IL1RAPL1: variants seen among roughly 807,000 people sequenced by gnomAD.
IL1RAPL1 encodes the protein interleukin-1 receptor accessory protein-like 1.
In IL1RAPL1, 3 loss-of-function variants were observed where a neutral mutation model predicts 48.4. The ratio of observed to expected loss-of-function variants is 0.06; its 90% confidence interval spans 0.03 to 0.16. The LOEUF (loss-of-function observed/expected upper bound fraction) is 0.16, where lower values mean the gene tolerates loss of function less well. IL1RAPL1 is among the 10% of genes least tolerant of loss of function. IL1RAPL1 has a pLI of 1.00. For missense variants in IL1RAPL1, 349 were observed against 530.6 expected, an observed-to-expected ratio of 0.66 and a Z score of 3.36; for synonymous variants, 185 against 187.7, an observed-to-expected ratio of 0.99 and a Z score of 0.12.
intron 6 of IL1RAPL1, among the ~76,000 whole-genome samples, chrX:29,840,240 G>A (rs746062663): frequency 2.7e-5 from 3 of 111,567 alleles, no homozygotes; most frequent in Non-Finnish European, 5.6e-5. Context: ...TGATATTAAC[G>A]GACGGATGTT....
intron 6 of IL1RAPL1, among the ~76,000 whole-genome samples, chrX:29,833,307 A>T (rs1030311532): frequency 8.9e-6 from 1 of 111,767 alleles, no homozygotes; most frequent in Admixed American, 9.5e-5. Context: ...ACCTTGCTGC[A>T]TTCAAGTGGC....
At chrX:29,579,797 C>T (rs1922899714) in intron 5 of IL1RAPL1, among the ~76,000 whole-genome samples, 1 of 111,604 alleles carries the variant, frequency 9.0e-6, no homozygotes, top group African/African-American at 3.3e-5. Flanking sequence ...GTGCTCAGAC[C>T]AAGATTTGTG....
chrX:29,309,095 A>G (rs1932668430), intron 3 of IL1RAPL1, among the ~76,000 whole-genome samples: 1 of 112,610 alleles, frequency 8.9e-6, no homozygotes, highest in Admixed American at 9.4e-5. Context: ...TAACTTTGCA[A>G]TCTTATTCTA....
chrX:28,847,655 T>G (rs1185878033), intron 2 of IL1RAPL1, among the ~76,000 whole-genome samples: 1 of 110,997 alleles, frequency 9.0e-6, no homozygotes, highest in Non-Finnish European at 1.9e-5. Context: ...TTGCACTTGC[T>G]GTTCCTTTTG....
chrX:29,713,475 G>A (rs190120876), intron 6 of IL1RAPL1, among the ~76,000 whole-genome samples: 36 of 111,883 alleles, frequency 3.2e-4, no homozygotes, highest in African/African-American at 1.0e-3. Context: ...GAAACAAAGT[G>A]AAAGAGAGCT....
intron 5 of IL1RAPL1, among the ~76,000 whole-genome samples, chrX:29,421,166 C>G (rs1178014105): frequency 8.9e-6 from 1 of 111,836 alleles, no homozygotes; most frequent in Non-Finnish European, 1.9e-5. Context: ...AGCTAGAAAC[C>G]AGGTTCTTGT....
chrX:29,091,001 C>G (rs1285904383), intron 2 of IL1RAPL1, among the ~76,000 whole-genome samples: 1 of 112,076 alleles, frequency 8.9e-6, no homozygotes, highest in Non-Finnish European at 1.9e-5. Context: ...CTGTATGATG[C>G]AACAATGCCA....
intron 2 of IL1RAPL1, among the ~76,000 whole-genome samples, chrX:29,262,406 G>A (rs1442518495): frequency 1.8e-5 from 2 of 111,483 alleles, no homozygotes; most frequent in Admixed American, 1.9e-4. Flanking sequence ...GACTCACCAT[G>A]GTGACCCAGC....
intron 3 of IL1RAPL1, among the ~76,000 whole-genome samples, chrX:29,315,029 C>A (rs887153325): frequency 9.0e-6 from 1 of 111,462 alleles, no homozygotes; most frequent in African/African-American, 3.3e-5. Flanking sequence ...AAAAACCTGT[C>A]CTAGTGAAAC....
At chrX:29,941,849 CTTTGT>C (rs1031930462) in intron 9 of IL1RAPL1, 55 bp downstream of exon 9, 58 of 1,124,863 alleles carry the variant, frequency 5.2e-5, no homozygotes, top group Non-Finnish European at 6.6e-5. Flanking sequence ...TCTTTCTTGT[CTTTGT>C]TTTATTAAGG....
chrX:29,837,446 T>C (rs1317852081), intron 6 of IL1RAPL1, among the ~76,000 whole-genome samples: 2 of 108,827 alleles, frequency 1.8e-5, no homozygotes, highest in Admixed American at 2.0e-4. Context: ...ACAACAGCTT[T>C]ATTTGTTAGA....
chrX:29,955,302 G>T lies in IL1RAPL1; in HGVS notation c.1573G>T (p.Glu525Ter). Residue 525 changes from glutamate to a stop codon, truncating the protein, a stop_gained, in exon 11 of 11, where the codon GAG (glutamate) becomes TAG (stop). Transcript: ENST00000378993. LOFTEE classifies it high-confidence loss of function. ...AGGAATTATGAACTACCAGGAGGTG[G>T]AGGCCCTGAAGCACACCATCAAGCT... ...LRGIMNYQEV[E>*]ALKHTIKLLT... is the part of the protein sequence containing the mutation. 8.3e-7 allele frequency: 1 copy of T among 1,211,577 alleles called. No homozygotes were observed.
At chrX:29,774,936 G>A (rs763052099) in intron 6 of IL1RAPL1, among the ~76,000 whole-genome samples, 12 of 112,420 alleles carry the variant, frequency 1.1e-4, no homozygotes, top group African/African-American at 3.9e-4. Flanking sequence ...TACTACACAT[G>A]AAGTACTGTG....
intron 1 of IL1RAPL1, among the ~76,000 whole-genome samples, chrX:28,653,574 T>G (rs1951594979): frequency 8.9e-6 from 1 of 111,874 alleles, no homozygotes; most frequent in Admixed American, 9.5e-5. Flanking sequence ...GATATATGTA[T>G]GTATGTATAT....
intron 2 of IL1RAPL1, among the ~76,000 whole-genome samples, chrX:29,014,498 G>A (rs749444894): frequency 1.8e-5 from 2 of 111,427 alleles, no homozygotes; most frequent in Admixed American, 1.9e-4. Context: ...GTTTGTGAAA[G>A]CATTATCCAA....
chrX:29,365,804 C>G (rs1220899181), intron 3 of IL1RAPL1, among the ~76,000 whole-genome samples: 1 of 110,466 alleles, frequency 9.1e-6, no homozygotes, highest in Non-Finnish European at 1.9e-5. Context: ...TTTGGGAGGC[C>G]GAGGCGGGTG....
intron 1 of IL1RAPL1, among the ~76,000 whole-genome samples, chrX:28,720,916 C>A (rs1240555936): frequency 8.9e-6 from 1 of 111,746 alleles, no homozygotes; most frequent in Non-Finnish European, 1.9e-5. Flanking sequence ...CATGTCCCTG[C>A]AAAGGACATG....
At chrX:29,025,237 G>A (rs1450647879) in intron 2 of IL1RAPL1, among the ~76,000 whole-genome samples, 2 of 111,980 alleles carry the variant, frequency 1.8e-5, no homozygotes, top group Non-Finnish European at 3.8e-5. Context: ...CCATTTTGTG[G>A]CCATTGTGAA....
intron 5 of IL1RAPL1, among the ~76,000 whole-genome samples, chrX:29,589,922 G>A (rs925715713): frequency 6.3e-5 from 7 of 111,149 alleles, no homozygotes; most frequent in Admixed American, 3.8e-4. Context: ...TTCACAATCG[G>A]CGCAGAAGGT....
Sources: gnomAD v4.1 joint callset for allele counts (sites outside exome capture counted in the v4.1 genomes callset) on GRCh38, gnomAD v4.1.1 for gene constraint, MANE v1.5 for transcripts, NCBI Gene and HGNC (gene_info 2026-07-23, HGNC 2026-07-21) for gene names.